The following SPATA17 variants were observed in gnomAD, a reference collection of about 807,000 sequenced individuals.
The protein encoded by SPATA17 is spermatogenesis associated 17, also known as spermatogenesis-associated protein 17.
SPATA17 carries 53 observed loss-of-function variants against 62.2 expected under a neutral mutation model. The ratio of observed to expected loss-of-function variants is 0.85; its 90% CI spans 0.68 to 1.07. The LOEUF is 1.07. Ranked by LOEUF, SPATA17 falls within the 50% of genes least tolerant of loss-of-function variation. The pLI, the probability that SPATA17 is intolerant of heterozygous loss-of-function variation, is 0.00. For synonymous variants in SPATA17, 146 were observed against 146.8 expected (o/e 0.99, Z 0.04); for missense variants, 466 against 425.5 (o/e 1.10, Z -0.84).
intron 8 of SPATA17, among the ~76,000 whole-genome samples, chr1:217,799,412 C>T (rs1674237128): frequency 6.6e-6 from 1 of 152,110 alleles, no homozygotes; most frequent in African/African-American, 2.4e-5. Context: ...CGGCTCGCAG[C>T]ACCTCCTTTG....
At chr1:217,746,339 A>G (rs894661842) in intron 6 of SPATA17, among the ~76,000 whole-genome samples, 20 of 151,892 alleles carry the variant, frequency 1.3e-4, no homozygotes, top group Non-Finnish European at 7.4e-5. Flanking sequence ...AAAGAGAGGG[A>G]CATTATTTAT....
At chr1:217,683,655 TG>T (rs2102906574) in intron 5 of SPATA17, among the ~76,000 whole-genome samples, 1 of 152,254 alleles carries the variant, frequency 6.6e-6, no homozygotes, top group African/African-American at 2.4e-5. Flanking sequence ...TTGGCCAGGC[TG>T]GTCTCGAACT....
chr1:217,702,032 GTA>G (rs10631525), intron 5 of SPATA17, among the ~76,000 whole-genome samples: 4,376 of 147,666 alleles, frequency 0.03, 92 homozygotes, highest in Middle Eastern at 0.054. Context: ...AAAATTTGGT[GTA>G]TATATATATA....
chr1:217,807,708 A>T (rs1271226259), intron 9 of SPATA17, among the ~76,000 whole-genome samples: 1 of 152,116 alleles, frequency 6.6e-6, no homozygotes, highest in Non-Finnish European at 1.5e-5. Context: ...AACATGATAT[A>T]TAAAGGAAGA....
At chr1:217,749,619 C>T (rs936433816) in intron 6 of SPATA17, among the ~76,000 whole-genome samples, 1 of 152,002 alleles carries the variant, frequency 6.6e-6, no homozygotes. Flanking sequence ...AGTCCCTTCA[C>T]GTTTATTTCC....
chr1:217,852,709 A>C (rs75307805), intron 9 of SPATA17, among the ~76,000 whole-genome samples: 1 of 152,172 alleles, frequency 6.6e-6, no homozygotes, highest in Non-Finnish European at 1.5e-5. Flanking sequence ...AAATAAATCA[A>C]TCTTTCTAGC....
At chr1:217,706,471 T>G (rs1390003562) in intron 5 of SPATA17, among the ~76,000 whole-genome samples, 1 of 152,182 alleles carries the variant, frequency 6.6e-6, no homozygotes, top group Non-Finnish European at 1.5e-5. Flanking sequence ...CATGCTGTTT[T>G]GTGATAGTGA....
In SPATA17 at chr1:217,782,317, C is replaced by A. The variant is rs753657074; in HGVS notation, c.867C>A (p.Asp289Glu). The change falls in exon 8 of 11, where the codon GAC becomes GAA. Residue 289 changes from aspartate to glutamate, a missense_variant. Physicochemically the swap from Asp to Glu is conservative, Grantham distance 45 (BLOSUM62 2). Coordinates refer to ENST00000366933, the MANE Select transcript of SPATA17 (RefSeq NM_138796.4). Reference sequence around the variant, plus strand: ...AGGAATGGCTGCAAAATGTAAATGACAATATGTGAGTTCTTAGCTTAACAA... The same window carrying A: ...AGGAATGGCTGCAAAATGTAAATGAAAATATGTGAGTTCTTAGCTTAACAA... Reference protein sequence around the residue: ...RREEWLQNVNDNMFLPFSSYH... With the variant: ...RREEWLQNVNENMFLPFSSYH... 4.4e-6 allele frequency: 7 copies of A among 1,603,580 alleles called. No homozygotes were observed. Among genetic ancestry groups the A allele is most frequent in the Non-Finnish European group, 6.0e-6 (7 of 1,176,238 alleles).
In SPATA17 at chr1:217,647,122, A is replaced by T. The variant is rs112775046; in HGVS notation, c.69-1760A>T. Among the ~76,000 whole-genome samples, 651 of 152,370 alleles carry T rather than the reference A, an allele frequency of 4.3e-3. 5 individuals are homozygous for T. Among genetic ancestry groups the T allele is most frequent in the African/African-American group, 0.015 (624 of 41,584 alleles). ...TTAATTCACTGATATGTGAAATATT[A>T]GAAACAGTGCCTGACATATAAGGTT... On this transcript the variant is annotated intron_variant, in intron 1 of 10. Transcript: ENST00000366933.
chr1:217,691,272 G>T (rs1671348302), intron 5 of SPATA17, among the ~76,000 whole-genome samples: 1 of 118,846 alleles, frequency 8.4e-6, no homozygotes, highest in African/African-American at 3.4e-5. Flanking sequence ...GTGTTTTTTG[G>T]CTGCATAAAT....
At chr1:217,744,160 C>G (rs1300736161) in intron 6 of SPATA17, among the ~76,000 whole-genome samples, 1 of 151,522 alleles carries the variant, frequency 6.6e-6, no homozygotes, top group Non-Finnish European at 1.5e-5. Flanking sequence ...AATTAAGCAC[C>G]TGGTTTGACA....
chr1:217,739,779 G>T (rs1672586594), intron 5 of SPATA17, among the ~76,000 whole-genome samples: 1 of 151,970 alleles, frequency 6.6e-6, no homozygotes, highest in Non-Finnish European at 1.5e-5. Context: ...AAGAATGTTT[G>T]ACATAAATAT....
At chr1:217,702,798 C>G (rs1402669112) in intron 5 of SPATA17, among the ~76,000 whole-genome samples, 1 of 152,048 alleles carries the variant, frequency 6.6e-6, no homozygotes, top group East Asian at 1.9e-4. Context: ...AGCTTTATCC[C>G]ATATGTTCTA....
chr1:217,716,555 A>G (rs1466331580), intron 5 of SPATA17, among the ~76,000 whole-genome samples: 1 of 152,214 alleles, frequency 6.6e-6, no homozygotes, highest in Non-Finnish European at 1.5e-5. Flanking sequence ...ATTCCTCTTT[A>G]GACACATGTA....
intron 8 of SPATA17, among the ~76,000 whole-genome samples, chr1:217,791,003 C>CATA (rs1459085904): frequency 6.6e-6 from 1 of 152,136 alleles, no homozygotes; most frequent in African/African-American, 2.4e-5. Context: ...ATTTTCTGAA[C>CATA]TATTACTGTA....
intron 8 of SPATA17, among the ~76,000 whole-genome samples, chr1:217,800,209 G>A (rs1461236004): frequency 1.3e-5 from 2 of 152,088 alleles, no homozygotes; most frequent in African/African-American, 4.8e-5. Context: ...AACTCTATGG[G>A]TGTAAAAGAG....
chr1:217,777,938 A>G (rs1227543775), intron 7 of SPATA17, among the ~76,000 whole-genome samples: 1 of 152,120 alleles, frequency 6.6e-6, no homozygotes, highest in African/African-American at 2.4e-5. Flanking sequence ...ATAGTTTTAA[A>G]TGTAAATATA....
chr1:217,781,092 C>T (rs1347595617), intron 7 of SPATA17: 1 of 152,066 alleles, frequency 6.6e-6, no homozygotes, highest in Non-Finnish European at 1.5e-5. Flanking sequence ...GTGAAAAGTA[C>T]TAGATGATAC....
chr1:217,668,769 T>A (rs1380919736), intron 3 of SPATA17, among the ~76,000 whole-genome samples: 1 of 152,190 alleles, frequency 6.6e-6, no homozygotes, highest in East Asian at 1.9e-4. Context: ...TAGAGCACCA[T>A]TGATTATCAA....
Sources: gnomAD v4.1 joint callset for allele counts (sites outside exome capture counted in the v4.1 genomes callset) on GRCh38, gnomAD v4.1.1 for gene constraint, MANE v1.5 for transcripts, NCBI Gene and HGNC (gene_info 2026-07-23, HGNC 2026-07-21) for gene names.